CCNT2: variants seen among roughly 807,000 people sequenced by gnomAD.
The protein encoded by CCNT2 is cyclin-T2.
CCNT2 carries 18 observed loss-of-function variants against 70.0 expected under a neutral mutation model. That is an observed-to-expected ratio of 0.26 (90% CI 0.18 to 0.38). The LOEUF is 0.38. CCNT2 is among the 10% of genes least tolerant of loss of function. The probability of loss-of-function intolerance (pLI) is 1.00; values close to 1 mark genes in which losing one functional copy is unlikely to be tolerated. For synonymous variants in CCNT2, 334 were observed against 313.3 expected (o/e 1.07, Z -0.70); for missense variants, 734 against 890.2 (o/e 0.82, Z 2.23).
chr2:134,935,738 T>A lies in CCNT2; in HGVS notation c.241-1103T>A, dbSNP rs973847357. Among the ~76,000 whole-genome samples, 23 of 152,176 alleles carry A rather than the reference T, an allele frequency of 1.5e-4. 1 individual carries two copies. Among genetic ancestry groups the A allele is most frequent in the Admixed American group, 2.0e-4 (3 of 15,280 alleles). ...GGGGTACATATTCAAACTTCATGTT[T>A]CTCTGTCTTAGTATCTTTGTAGTGC... On this transcript the variant is annotated intron_variant, in intron 2 of 8. Transcript: ENST00000264157.
Position 134,926,427 on chromosome 2 carries a change from T to C in CCNT2, c.240+6536T>C, listed in dbSNP as rs566230868. Among the ~76,000 whole-genome samples, 7 of 152,342 alleles carry C rather than the reference T, an allele frequency of 4.6e-5. No individual in the cohort carries two copies. The South Asian group carries it at 1.4e-3, about 32-fold the overall frequency. ...CTCTTTTCCCTTCTTCCTATCTTGCTGATTGTGCTTTTCCTCCCAATGGTT... is the reference window on the plus strand; with the variant it reads ...CTCTTTTCCCTTCTTCCTATCTTGCCGATTGTGCTTTTCCTCCCAATGGTT... On this transcript the variant is annotated intron_variant, in intron 2 of 8. Coordinates refer to ENST00000264157, the MANE Select transcript of CCNT2 (RefSeq NM_058241.3).
In CCNT2 at chr2:134,918,823, T is replaced by A. The variant is rs754116930; in HGVS notation, c.-32T>A. The A allele has an allele frequency of 1.3e-6, 2 of 1,544,486 alleles. No individual in the cohort carries two copies. The highest frequency in any genetic ancestry group is 2.8e-5 in the African/African-American group (2 of 72,294). On this transcript the variant is annotated 5_prime_UTR_variant, in exon 1 of 9. Coordinates refer to ENST00000264157, the MANE Select transcript of CCNT2 (RefSeq NM_058241.3). ...TCCGCGAGCCAGGAGGGGCGGGGGGTGAATGAAGGAGCGGGCGGAGGAGGA... is the reference window on the plus strand; with the variant it reads ...TCCGCGAGCCAGGAGGGGCGGGGGGAGAATGAAGGAGCGGGCGGAGGAGGA...
At chr2:134,924,814 A>G (rs775053167) in intron 2 of CCNT2, among the ~76,000 whole-genome samples, 23 of 152,160 alleles carry the variant, frequency 1.5e-4, no homozygotes, top group Admixed American at 1.5e-3. Context: ...CCCAAATACC[A>G]TAGACCTTGC....
rs201846719 is a variant in CCNT2 at position 134,929,990 on chromosome 2, G to A, written c.241-6851G>A. The stretch of plus-strand genomic sequence containing the variant: ...TAACGTTAGCTCCTTAAAAAAAAAA[G>A]AGAGAGAGAGAGATACAATTCATAT... On this transcript the variant is annotated intron_variant, in intron 2 of 8. Transcript: ENST00000264157. Among the ~76,000 whole-genome samples the A allele has an allele frequency of 4.0e-5, 6 of 151,304 alleles. No individual in the cohort carries two copies. In the East Asian group the frequency reaches 1.2e-3, roughly 29 times the overall value.
intron 2 of CCNT2, among the ~76,000 whole-genome samples, chr2:134,930,049 C>T (rs1680628836): frequency 6.6e-6 from 1 of 152,034 alleles, no homozygotes; most frequent in Admixed American, 6.6e-5. Flanking sequence ...ATGCATAATT[C>T]AGTGGCTCAC....
Position 134,954,541 on chromosome 2 carries a change from G to A in CCNT2, c.2086G>A (p.Gly696Ser), listed in dbSNP as rs753401002. 1.1e-5 allele frequency: 17 copies of A among 1,613,798 alleles called. No homozygotes were observed. The Admixed American group carries it at 2.0e-4, about 19-fold the overall frequency. Residue 696 changes from glycine to serine, a missense_variant, in exon 9 of 9, where the codon GGT becomes AGT. By Grantham distance (56) the Gly-to-Ser change is moderately conservative. This residue lies in a region of CCNT2 where 532 missense variants were observed against 556.9 expected (regional missense o/e 0.96). Transcript: ENST00000264157. Reference protein sequence around the residue: ...KLDKKPVETNGPDANHEYSTS... With the variant: ...KLDKKPVETNSPDANHEYSTS... ...GGACAAGAAGCCAGTGGAGACCAAC[G>A]GTCCTGATGCCAATCACGAGTACAG... is the stretch of plus-strand genomic sequence containing the variant.
chr2:134,949,802 C>CGGGT (rs1553525574), intron 7 of CCNT2, among the ~76,000 whole-genome samples: 48 of 48,934 alleles, frequency 9.8e-4, no homozygotes, highest in African/African-American at 3.4e-3. Flanking sequence ...ATTTTTTTTT[C>CGGGT]GGGGGGGGGG....
chr2:134,924,432 C>T (rs1199154021), intron 2 of CCNT2, among the ~76,000 whole-genome samples: 2 of 152,078 alleles, frequency 1.3e-5, no homozygotes, highest in African/African-American at 4.8e-5. Flanking sequence ...GATCCCCTCC[C>T]TCCAAAAGTA....
intron 2 of CCNT2, among the ~76,000 whole-genome samples, chr2:134,930,123 C>T (rs1326029121): frequency 6.6e-6 from 1 of 152,148 alleles, no homozygotes; most frequent in East Asian, 1.9e-4. Flanking sequence ...CAAAAAGAAA[C>T]CTGGTTGCTG....
rs1022904108 is a variant in CCNT2 at position 134,958,428 on chromosome 2, A to G, written c.*3780A>G. 7 of 152,202 alleles carry G rather than the reference A, an allele frequency of 4.6e-5. No individual in the cohort carries two copies. The East Asian group carries it at 1.3e-3, about 29-fold the overall frequency. 9.4% of individuals were successfully genotyped at this position (152,202 alleles called of 1,614,324 possible). A position where few individuals can be genotyped will look rare whatever the true frequency, so the allele number is the denominator to read the frequency against. On this transcript the variant is annotated 3_prime_UTR_variant, in exon 9 of 9. Coordinates refer to ENST00000264157, the MANE Select transcript of CCNT2 (RefSeq NM_058241.3). ...ACTACCTTTACCCAGATGAGGGATCAACAAATCTCACACTTAAACTAAATG... is the reference window on the plus strand; with the variant it reads ...ACTACCTTTACCCAGATGAGGGATCGACAAATCTCACACTTAAACTAAATG...
Position 134,954,467 on chromosome 2 carries a change from C to A in CCNT2, c.2012C>A (p.Pro671His), listed in dbSNP as rs772761211. The A allele has an allele frequency of 1.9e-6, 3 of 1,614,178 alleles. No homozygotes were observed. The highest frequency in any genetic ancestry group is 2.5e-6 in the Non-Finnish European group (3 of 1,180,014). ...VFNHPLPPPP[P>H]VTYQVGYGHL... is the part of the protein sequence containing the mutation. ...AACCATCCCTTACCCCCTCCTCCCC[C>A]TGTCACATACCAGGTGGGCTACGGA... Residue 671 changes from proline to histidine, a missense_variant, in exon 9 of 9, where the codon CCT (proline) becomes CAT (histidine). By Grantham distance (77) the Pro-to-His change is moderately conservative. This residue lies in a region of CCNT2 where 532 missense variants were observed against 556.9 expected (regional missense o/e 0.96). Coordinates refer to ENST00000264157, the MANE Select transcript of CCNT2 (RefSeq NM_058241.3).
intron 2 of CCNT2, among the ~76,000 whole-genome samples, chr2:134,931,969 A>G (rs1399559585): frequency 1.3e-5 from 2 of 151,770 alleles, no homozygotes; most frequent in African/African-American, 4.8e-5. Flanking sequence ...TACTAAGTAT[A>G]CTTTATAAGT....
At chr2:134,942,987 G>A (rs1161988821) in intron 5 of CCNT2, 1 of 985,256 alleles carries the variant, frequency 1.0e-6, no homozygotes, top group Non-Finnish European at 1.2e-6. Context: ...TGGGCCAATA[G>A]TGCATAGGTT....
chr2:134,931,260 A>ATCTTTT (rs1680735304), intron 2 of CCNT2, among the ~76,000 whole-genome samples: 1 of 42,946 alleles, frequency 2.3e-5, no homozygotes, highest in African/African-American at 9.7e-5. Context: ...CCATGCCCGG[A>ATCTTTT]TCTTTTTTTT....
Position 134,958,359 on chromosome 2 carries a change from A to G in CCNT2, c.*3711A>G, listed in dbSNP as rs1335854915. Reference sequence around the variant, plus strand: ...TGGATTCAGTATTTCTAACCTGATTACTGCCTCAGAGGCTGTCTTGAAGGG... The same window carrying G: ...TGGATTCAGTATTTCTAACCTGATTGCTGCCTCAGAGGCTGTCTTGAAGGG... On this transcript the variant is annotated 3_prime_UTR_variant, in exon 9 of 9. Coordinates refer to ENST00000264157, the MANE Select transcript of CCNT2 (RefSeq NM_058241.3). 1 of 152,230 alleles carries G rather than the reference A, an allele frequency of 6.6e-6. No individual in the cohort carries two copies. The highest frequency in any genetic ancestry group is 1.5e-5 in the Non-Finnish European group (1 of 68,038). 9.4% of individuals were successfully genotyped at this position (152,230 alleles called of 1,614,324 possible). A position where few individuals can be genotyped will look rare whatever the true frequency, so the allele number is the denominator to read the frequency against.
At chr2:134,919,634 C>T (rs1679719874) in intron 1 of CCNT2, among the ~76,000 whole-genome samples, 176 bp from the exon 2 acceptor site, 2 of 152,154 alleles carry the variant, frequency 1.3e-5, no homozygotes, top group Admixed American at 6.5e-5. Flanking sequence ...TATTTGGCGT[C>T]AAGCCTATTC....
At position 134,921,854 on chromosome 2, in the gene CCNT2, CTTA is replaced by C. The variant is rs371160814; in HGVS notation, c.240+1966_240+1968del. Among the ~76,000 whole-genome samples the C allele has an allele frequency of 3.4e-3, 513 of 152,178 alleles. 1 individual carries two copies. Among genetic ancestry groups the C allele is most frequent in the African/African-American group, 0.011 (464 of 41,508 alleles). Reference sequence around the variant, plus strand: ...AATTTTTTATTACCTTCTTTAATGTCTTATTGTGTATGAAGGTAAACTTCAGCA... The same window carrying C: ...AATTTTTTATTACCTTCTTTAATGTCTTGTGTATGAAGGTAAACTTCAGCA... On this transcript the variant is annotated intron_variant, in intron 2 of 8. Coordinates refer to ENST00000264157, the MANE Select transcript of CCNT2 (RefSeq NM_058241.3).
intron 7 of CCNT2, among the ~76,000 whole-genome samples, chr2:134,950,920 G>A (rs1032861696): frequency 6.6e-6 from 1 of 152,158 alleles, no homozygotes; most frequent in Non-Finnish European, 1.5e-5. Context: ...CTTACATTTT[G>A]TGTACGAGAT....
chr2:134,958,919 T>C lies in CCNT2; in HGVS notation c.*4271T>C, dbSNP rs1337210096. ...ATGGCTAGGAGTAATTCTGTTCTCGTATAGGCAACTTAACTTCACTGTGGA... is the reference window on the plus strand; with the variant it reads ...ATGGCTAGGAGTAATTCTGTTCTCGCATAGGCAACTTAACTTCACTGTGGA... On this transcript the variant is annotated 3_prime_UTR_variant, in exon 9 of 9. Coordinates refer to ENST00000264157, the MANE Select transcript of CCNT2 (RefSeq NM_058241.3). 1.3e-5 allele frequency: 2 copies of C among 152,186 alleles called. No individual in the cohort carries two copies. Among genetic ancestry groups the C allele is most frequent in the Non-Finnish European group, 2.9e-5 (2 of 68,030 alleles). The allele number at this position is 152,186 out of a possible 1,614,324, so 9.4% of individuals were successfully genotyped here. A position where few individuals can be genotyped will look rare whatever the true frequency, so the allele number is the denominator to read the frequency against.
Sources: gnomAD v4.1 joint callset for allele counts (sites outside exome capture counted in the v4.1 genomes callset) on GRCh38, gnomAD v4.1.1 for gene constraint, gnomAD v4.1.1 regional missense constraint, MANE v1.5 for transcripts, NCBI Gene and HGNC (gene_info 2026-07-23, HGNC 2026-07-21) for gene names.